The following NRXN3 variants were observed in gnomAD, a reference collection of about 807,000 sequenced individuals.
NRXN3 encodes neurexin III.
Under a neutral mutation model 137.6 loss-of-function variants are expected in NRXN3, and 32 were observed. The observed-to-expected ratio is 0.23, with a 90% CI of 0.18 to 0.31. The LOEUF (loss-of-function observed/expected upper bound fraction) is 0.31. NRXN3 is among the 10% of genes least tolerant of loss of function. The pLI is 1.00. For missense variants in NRXN3, 1,574 were observed against 2,062.5 expected, an observed-to-expected ratio of 0.76 and a Z score of 4.59; for synonymous variants, 798 against 784.5, an observed-to-expected ratio of 1.02 and a Z score of -0.29.
chr14:78,433,995 A>G (rs2093978282), intron 4 of NRXN3, among the ~76,000 whole-genome samples: 1 of 152,150 alleles, frequency 6.6e-6, no homozygotes, highest in Non-Finnish European at 1.5e-5. Context: ...CACCAAACCT[A>G]CCAAACATCA....
rs149219004 is a variant in NRXN3, at chr14:78,691,122, G to C, written c.1222-18095G>C. Among the ~76,000 whole-genome samples, 23 of 152,276 alleles carry C rather than the reference G, an allele frequency of 1.5e-4. No individual in the cohort carries two copies. The East Asian group carries it at 4.2e-3, about 28-fold the overall frequency. On this transcript the variant is annotated intron_variant, in intron 6 of 20. Coordinates refer to ENST00000335750, the MANE Select transcript of NRXN3 (RefSeq NM_001330195.2). Reference sequence around the variant, plus strand: ...CCCAGGAAAAGAGGATGTTGAGGAAGGAGTGAGAGAAATGCCAGCTATTGC... The same window carrying C: ...CCCAGGAAAAGAGGATGTTGAGGAACGAGTGAGAGAAATGCCAGCTATTGC...
chr14:79,099,232 T>A (rs1401602750), intron 15 of NRXN3, among the ~76,000 whole-genome samples: 2 of 152,204 alleles, frequency 1.3e-5, no homozygotes, highest in Admixed American at 1.3e-4. Flanking sequence ...CAGAGTTTGC[T>A]ATTTTTTTGA....
chr14:78,257,010 G>A (rs982195349), intron 2 of NRXN3, among the ~76,000 whole-genome samples: 1 of 152,182 alleles, frequency 6.6e-6, no homozygotes, highest in African/African-American at 2.4e-5. Flanking sequence ...CCTTACTTCT[G>A]CCTTCAGTTC....
chr14:79,486,960 T>TCTCTCTCTCTCTCTCTCTCTCTCC (rs1365006345), intron 16 of NRXN3, among the ~76,000 whole-genome samples: 1 of 112,020 alleles, frequency 8.9e-6, no homozygotes, highest in African/African-American at 3.5e-5. Flanking sequence ...TCTCTCTCTC[T>TCTCTCTCTCTCTCTCTCTCTCTCC]CCCACACACA....
chr14:78,828,651 G>A (rs1393488701), intron 10 of NRXN3, among the ~76,000 whole-genome samples: 2 of 152,186 alleles, frequency 1.3e-5, no homozygotes, highest in African/African-American at 4.8e-5. Context: ...AGGTACATTT[G>A]TAGAAATTAT....
chr14:78,506,304 A>T (rs112948421), intron 4 of NRXN3, among the ~76,000 whole-genome samples: 1 of 152,158 alleles, frequency 6.6e-6, no homozygotes, highest in South Asian at 2.1e-4. Flanking sequence ...CCTTCTTTTA[A>T]AAAACTAAAT....
Position 78,967,359 on chromosome 14 carries a change from A to G in NRXN3, c.2929A>G (p.Thr977Ala), listed in dbSNP as rs371267153. ...HSLKVDTKVV[T>A]QVINGAKNLD... Reference sequence around the variant, plus strand: ...CCTGAAAGTGGACACCAAAGTGGTCACTCAGGTTATCAATGGTGCCAAAAA... The same window carrying G: ...CCTGAAAGTGGACACCAAAGTGGTCGCTCAGGTTATCAATGGTGCCAAAAA... The change falls in exon 13 of 21, where the codon ACT becomes GCT. Residue 977 changes from threonine to alanine, a missense_variant. Thr to Ala is a moderately conservative substitution (Grantham distance 58). Transcript: ENST00000335750. 1.2e-6 allele frequency: 2 copies of G among 1,614,014 alleles called. No homozygotes were observed. Among genetic ancestry groups the G allele is most frequent in the Non-Finnish European group, 1.7e-6 (2 of 1,179,938 alleles).
chr14:78,890,688 G>A (rs541155329), intron 10 of NRXN3, among the ~76,000 whole-genome samples: 1 of 151,922 alleles, frequency 6.6e-6, no homozygotes, highest in African/African-American at 2.4e-5. Flanking sequence ...ATAACAAAAG[G>A]GAAGGTCCAA....
chr14:78,615,932 C>T (rs1016049172), intron 4 of NRXN3, among the ~76,000 whole-genome samples: 3 of 152,142 alleles, frequency 2.0e-5, no homozygotes, highest in Admixed American at 2.0e-4. Context: ...TATACTCCAG[C>T]CTGGGTGACA....
intron 16 of NRXN3, among the ~76,000 whole-genome samples, chr14:79,637,141 G>GT (rs775071666): frequency 1.3e-5 from 2 of 152,112 alleles, no homozygotes; most frequent in Non-Finnish European, 2.9e-5. Context: ...GGCAAATCAG[G>GT]TAACCCCTTC....
At position 79,428,090 on chromosome 14, in the gene NRXN3, T is replaced by C. The variant is rs530085827; in HGVS notation, c.3263-39131T>C. ...TAAGTCTTATGATACTGGGAGTACC[T>C]GACTCTGATTAGGGGGCACTGCTTT... On this transcript the variant is annotated intron_variant, in intron 15 of 20. Coordinates refer to ENST00000335750, the MANE Select transcript of NRXN3 (RefSeq NM_001330195.2). Among the ~76,000 whole-genome samples, 6 of 152,274 alleles carry C rather than the reference T, an allele frequency of 3.9e-5. No individual in the cohort carries two copies. In the East Asian group the frequency reaches 1.2e-3, roughly 29 times the overall value.
At chr14:78,814,418 C>A (rs934799431) in intron 10 of NRXN3, among the ~76,000 whole-genome samples, 6 of 152,082 alleles carry the variant, frequency 3.9e-5, no homozygotes, top group African/African-American at 7.2e-5. Context: ...GGATCGAGAC[C>A]ATCCTGGCCA....
chr14:78,741,524 T>C (rs1314115127), intron 8 of NRXN3, among the ~76,000 whole-genome samples: 1 of 152,208 alleles, frequency 6.6e-6, no homozygotes, highest in African/African-American at 2.4e-5. Flanking sequence ...TATTGAGGTA[T>C]GACTGGCATA....
intron 4 of NRXN3, among the ~76,000 whole-genome samples, chr14:78,300,009 T>G (rs2076725024): frequency 6.6e-6 from 1 of 152,212 alleles, no homozygotes; most frequent in African/African-American, 2.4e-5. Flanking sequence ...TATCCCCTTA[T>G]CTGTTCTCAC....
intron 15 of NRXN3, among the ~76,000 whole-genome samples, chr14:79,111,595 C>A (rs1045250727): frequency 6.6e-6 from 1 of 151,948 alleles, no homozygotes; most frequent in African/African-American, 2.4e-5. Context: ...AAAAATTAGC[C>A]AGGCGTGGTG....
At chr14:79,670,430 C>T (rs1482794493) in intron 17 of NRXN3, among the ~76,000 whole-genome samples, 1 of 152,046 alleles carries the variant, frequency 6.6e-6, no homozygotes, top group Non-Finnish European at 1.5e-5. Flanking sequence ...TGCCCACAAC[C>T]TTGAGAAGGT....
At chr14:79,202,582 C>A (rs1169502446) in intron 15 of NRXN3, among the ~76,000 whole-genome samples, 2 of 152,076 alleles carry the variant, frequency 1.3e-5, no homozygotes, top group Non-Finnish European at 2.9e-5. Flanking sequence ...ACTGTAATAC[C>A]TTTGCGTCCT....
chr14:78,356,158 CT>C (rs2084279419), intron 4 of NRXN3, among the ~76,000 whole-genome samples: 1 of 152,198 alleles, frequency 6.6e-6, no homozygotes, highest in African/African-American at 2.4e-5. Context: ...GGTTGGCCCT[CT>C]CTCTTCTCTG....
At chr14:79,157,777 A>T (rs545956344) in intron 15 of NRXN3, among the ~76,000 whole-genome samples, 1 of 151,908 alleles carries the variant, frequency 6.6e-6, no homozygotes, top group Non-Finnish European at 1.5e-5. Context: ...GTTGGGAAGG[A>T]TGATGGAGAA....
Sources: allele counts gnomAD v4.1 joint callset (sites outside exome capture counted in the v4.1 genomes callset), GRCh38; gene constraint gnomAD v4.1.1; transcripts MANE v1.5; gene names NCBI Gene and HGNC (gene_info 2026-07-23, HGNC 2026-07-21).